The following TREML4 variants were observed in gnomAD, a reference collection of about 807,000 sequenced individuals.
TREML4 encodes trem-like transcript 4 protein.
A neutral mutation model predicts 25.4 loss-of-function variants in TREML4; 25 were observed. The ratio of observed to expected loss-of-function variants is 0.98; its 90% CI spans 0.72 to 1.37. The LOEUF is 1.37. Among genes scored for constraint, TREML4 ranks in the 40% most tolerant of loss-of-function variants. The pLI is 0.00. For synonymous variants in TREML4, 92 were observed against 87.9 expected (o/e 1.05, Z -0.26); for missense variants, 268 against 236.5 (o/e 1.13, Z -0.87).
intron 5 of TREML4, among the ~76,000 whole-genome samples, chr6:41,236,827 G>T (rs375321913): frequency 3.0e-4 from 46 of 152,234 alleles, no homozygotes; most frequent in African/African-American, 1.1e-3. Context: ...CCATCCCAGG[G>T]CTCTGCCTCT....
chr6:41,236,665 T>C (rs910507422), intron 5 of TREML4, 48 bp downstream of exon 5: 2 of 1,089,788 alleles, frequency 1.8e-6, no homozygotes, highest in East Asian at 2.4e-5. Context: ...TGGGGCCAGA[T>C]TCTGTTCCTA....
At chr6:41,228,520 G>A (rs1277239970) in intron 1 of TREML4, 30 bp downstream of exon 1, 18 of 1,604,330 alleles carry the variant, frequency 1.1e-5, no homozygotes, top group Non-Finnish European at 1.5e-5. Flanking sequence ...TGCAGGGGGT[G>A]TAAGGAGTGG....
intron 5 of TREML4, 136 bp downstream of exon 5, chr6:41,236,753 C>G: frequency 1.7e-6 from 1 of 573,944 alleles, no homozygotes; most frequent in Non-Finnish European, 3.1e-6. Context: ...AAGTGTGTTT[C>G]CTTGCAATCT....
At chr6:41,229,447 CTCT>C in intron 2 of TREML4, 71 bp from the exon 3 acceptor site, 2 of 1,540,918 alleles carry the variant, frequency 1.3e-6, no homozygotes, top group East Asian at 2.3e-5. Flanking sequence ...CCCCTACCTC[CTCT>C]TATGTATGGG....
chr6:41,234,758 CAT>C (rs750064438), intron 4 of TREML4, among the ~76,000 whole-genome samples: 22 of 151,608 alleles, frequency 1.5e-4, no homozygotes, highest in African/African-American at 4.1e-4. Flanking sequence ...ATTCAAGACT[CAT>C]GTGGTTTTCA....
chr6:41,229,515 C>G lies in TREML4; in HGVS notation c.395-6C>G. Reference sequence around the variant, plus strand: ...AGAGTCATTGTCTGCTGTCTTTTCTCTTTAGCCCCAACCACGTCTCCTATG... The same window carrying G: ...AGAGTCATTGTCTGCTGTCTTTTCTGTTTAGCCCCAACCACGTCTCCTATG... On this transcript the variant is annotated splice_polypyrimidine_tract_variant and splice_region_variant and intron_variant, in intron 2 of 5. Transcript: ENST00000341495. 3.1e-6 allele frequency: 5 copies of G among 1,613,866 alleles called. No homozygotes were observed. The South Asian group carries it at 3.3e-5, about 11-fold the overall frequency.
intron 4 of TREML4, among the ~76,000 whole-genome samples, chr6:41,235,109 A>G (rs184545455): frequency 6.6e-6 from 1 of 152,236 alleles, no homozygotes; most frequent in Non-Finnish European, 1.5e-5. Context: ...TTCATAAACT[A>G]CAGGAAAAAA....
chr6:41,231,960 C>CA (rs1324121812), intron 4 of TREML4, among the ~76,000 whole-genome samples: 5 of 152,204 alleles, frequency 3.3e-5, no homozygotes, highest in African/African-American at 1.2e-4. Context: ...AACACACACA[C>CA]AAAAATACCT....
intron 3 of TREML4, 92 bp from the exon 4 acceptor site, chr6:41,229,970 C>G: frequency 5.8e-5 from 61 of 1,046,632 alleles, no homozygotes; most frequent in Non-Finnish European, 8.0e-5. Flanking sequence ...TGCCTCTGGC[C>G]CCTCTCCCCT....
intron 4 of TREML4, among the ~76,000 whole-genome samples, chr6:41,230,932 T>C (rs1766783742): frequency 6.6e-6 from 1 of 152,202 alleles, no homozygotes. Flanking sequence ...GCCTGAGCTC[T>C]GCCTCCTGTC....
intron 4 of TREML4, among the ~76,000 whole-genome samples, chr6:41,235,609 A>G (rs1766879463): frequency 6.6e-6 from 1 of 152,240 alleles, no homozygotes; most frequent in African/African-American, 2.4e-5. Context: ...TAATTTAACC[A>G]AGACCTGTTT....
intron 3 of TREML4, 137 bp downstream of exon 3, chr6:41,229,708 C>G (rs1766750088): frequency 1.2e-6 from 1 of 852,542 alleles, no homozygotes; most frequent in Non-Finnish European, 2.0e-6. Flanking sequence ...TGGGAAGCTA[C>G]CTTCAGGGCC....
At chr6:41,233,242 A>C (rs531860990) in intron 4 of TREML4, among the ~76,000 whole-genome samples, 2 of 152,378 alleles carry the variant, frequency 1.3e-5, no homozygotes, top group African/African-American at 4.8e-5. Context: ...AAAAGGTAGA[A>C]TCAAGTCCTA....
At chr6:41,230,143 C>T (rs980024869) in intron 4 of TREML4, 21 bp downstream of exon 4, 7 of 1,590,762 alleles carry the variant, frequency 4.4e-6, no homozygotes, top group Admixed American at 1.7e-5. Context: ...GGTTTTAACA[C>T]TGGGAGGGAG....
At chr6:41,236,442 C>T (rs372980990) in intron 4 of TREML4, 44 bp from the exon 5 acceptor site, 10 of 1,565,312 alleles carry the variant, frequency 6.4e-6, no homozygotes, top group Non-Finnish European at 8.8e-6. Context: ...GAGGTGGTGA[C>T]ATCCTGGCCC....
chr6:41,236,546 A>G lies in TREML4; in HGVS notation c.567A>G (p.Leu189=). The change falls in exon 5 of 6, where the codon CTA becomes CTG. Residue 189 remains leucine (L), a synonymous_variant. Coordinates refer to ENST00000341495, the MANE Select transcript of TREML4 (RefSeq NM_198153.3). The stretch of plus-strand genomic sequence containing the variant: ...GCCCCAGATTCCTGGTCTTGGTGCT[A>G]TGTGGACTCCTCCTGGCCAAGGGCC... The part of the protein sequence containing the change: ...SGGPRFLVLV[L]CGLLLAKGLM... The G allele has an allele frequency of 6.2e-7, 1 of 1,613,998 alleles. No individual in the cohort carries two copies. Among genetic ancestry groups the G allele is most frequent in the Non-Finnish European group, 8.5e-7 (1 of 1,179,964 alleles).
intron 4 of TREML4, among the ~76,000 whole-genome samples, chr6:41,233,570 G>A (rs1013551907): frequency 6.6e-5 from 10 of 151,878 alleles, no homozygotes; most frequent in East Asian, 3.9e-4. Context: ...CATCATAAAC[G>A]TATATGTGCT....
At position 41,230,077 on chromosome 6, in the gene TREML4, C is replaced by T; in HGVS notation, c.461C>T (p.Pro154Leu). The T allele has an allele frequency of 6.2e-7, 1 of 1,611,538 alleles. No individual in the cohort carries two copies. The highest frequency in any genetic ancestry group is 1.1e-5 in the South Asian group (1 of 91,016). The change falls in exon 4 of 6, where the codon CCA (proline) becomes CTA (leucine). Residue 154 changes from proline (P) to leucine (L), a missense_variant. Coordinates refer to ENST00000341495, the MANE Select transcript of TREML4 (RefSeq NM_198153.3). ...LPTSTVLITS[P>L]EGTSGHPSIN... ...TCCTCTTTAGTTCTGATCACTTCTCCAGAGGGGACCTCTGGCCATCCCTCC... is the reference window on the plus strand; with the variant it reads ...TCCTCTTTAGTTCTGATCACTTCTCTAGAGGGGACCTCTGGCCATCCCTCC...
rs1766726399 is a variant in TREML4, at chr6:41,228,748, G to A, written c.98G>A (p.Gly33Glu). The change falls in exon 2 of 6, where the codon GGA becomes GAA. Residue 33 changes from glycine (G) to glutamate (E), a missense_variant. Gly to Glu is a moderately conservative substitution (Grantham distance 98). Transcript: ENST00000341495. The part of the protein sequence containing the change: ...AVPEELHKHP[G>E]QTLLLQCQYS... ...CCTGAAGAACTTCACAAACACCCAG[G>A]ACAGACCCTCCTCCTGCAATGCCAG... 5.0e-6 allele frequency: 8 copies of A among 1,614,032 alleles called. No homozygotes were observed. Among genetic ancestry groups the A allele is most frequent in the Non-Finnish European group, 6.8e-6 (8 of 1,179,996 alleles).
Sources: allele counts gnomAD v4.1 joint callset (sites outside exome capture counted in the v4.1 genomes callset), GRCh38; gene constraint gnomAD v4.1.1; transcripts MANE v1.5; gene names NCBI Gene and HGNC (gene_info 2026-07-23, HGNC 2026-07-21).